FILIP1L: variants seen among roughly 807,000 people sequenced by gnomAD.
FILIP1L encodes the protein filamin A-interacting protein 1-like.
A neutral mutation model predicts 96.6 loss-of-function variants in FILIP1L; 55 were observed. The ratio of observed to expected loss-of-function variants is 0.57; its 90% CI spans 0.46 to 0.71. The LOEUF (loss-of-function observed/expected upper bound fraction) is 0.71. Among genes scored for constraint, FILIP1L ranks in the 30% least tolerant of loss-of-function variants. The pLI, the probability that FILIP1L is intolerant of heterozygous loss-of-function variation, is 0.00. For missense variants in FILIP1L, 1,304 were observed against 1,321.2 expected, an observed-to-expected ratio of 0.99 and a Z score of 0.20; for synonymous variants, 467 against 473.9, an observed-to-expected ratio of 0.99 and a Z score of 0.19.
chr3:99,929,845 G>A lies in FILIP1L; in HGVS notation c.426+11C>T, dbSNP rs540978840. ...TGCCTCCCAGGTACACACCCCTATTGTGGTACATACCTCATTCATTGGTTT... is the reference window on the plus strand; with the variant it reads ...TGCCTCCCAGGTACACACCCCTATTATGGTACATACCTCATTCATTGGTTT... On this transcript the variant is annotated intron_variant, in intron 3 of 5. Transcript: ENST00000477258. 338 of 1,603,412 alleles carry A rather than the reference G, an allele frequency of 2.1e-4. 5 individuals carry two copies. In the South Asian group the frequency reaches 3.6e-3, roughly 17 times the overall value.
chr3:100,024,221 T>A (rs1448953333), intron 1 of FILIP1L, among the ~76,000 whole-genome samples: 1 of 152,178 alleles, frequency 6.6e-6, no homozygotes, highest in African/African-American at 2.4e-5. Context: ...TTACTCCCTT[T>A]CCCATTGCAG....
rs1408344290 is a variant in FILIP1L, at chr3:99,930,895, A to C, written c.126T>G (p.Ser42Arg). The C allele has an allele frequency of 6.2e-7, 1 of 1,613,362 alleles. No individual in the cohort carries two copies. The highest frequency in any genetic ancestry group is 8.5e-7 in the Non-Finnish European group (1 of 1,179,874). The change falls in exon 2 of 6, where the codon AGT (serine) becomes AGG (arginine). Residue 42 changes from serine (S) to arginine (R), a missense_variant. Transcript: ENST00000477258. The stretch of plus-strand genomic sequence containing the variant: ...GACACGGAAGTATTACATCCGACTC[A>C]CTGGGGGAGTCTTTGTCTTGCTGTC... Reference protein sequence around the residue: ...KHRQQDKDSPSESDVILPCPK... With the variant: ...KHRQQDKDSPRESDVILPCPK...
intron 4 of FILIP1L, among the ~76,000 whole-genome samples, chr3:99,880,671 GTTTTAAAATTAATTTAAAATTTTTTTTA>G: frequency 6.6e-6 from 1 of 151,898 alleles, no homozygotes; most frequent in South Asian, 2.1e-4. Context: ...AAATTTTTTT[GTTTTAAAATTAATTTAAAATTTTTTTTA>G]TTTTAAAATT....
rs1235527812 is a variant in FILIP1L at position 99,909,650 on chromosome 3, T to A, written c.605+14580A>T. Among the ~76,000 whole-genome samples, 11 of 152,314 alleles carry A rather than the reference T, an allele frequency of 7.2e-5. No individual in the cohort carries two copies. In the South Asian group the frequency reaches 1.2e-3, roughly 17 times the overall value. ...TAATAATACTGCTAATAATAGGGTA[T>A]CAAGTGTGTCATGTTTTTCATCATA... is the stretch of plus-strand genomic sequence containing the variant. On this transcript the variant is annotated intron_variant, in intron 4 of 5. Transcript: ENST00000477258.
At chr3:99,940,289 A>G (rs944192177) in intron 1 of FILIP1L, among the ~76,000 whole-genome samples, 21 of 152,250 alleles carry the variant, frequency 1.4e-4, no homozygotes, top group African/African-American at 5.1e-4. Context: ...TAAATGCCAC[A>G]CTTCCAACCC....
intron 5 of FILIP1L, among the ~76,000 whole-genome samples, chr3:99,838,564 A>G (rs1448761782): frequency 5.3e-5 from 8 of 152,230 alleles, no homozygotes; most frequent in African/African-American, 1.7e-4. Flanking sequence ...AGGAGGTAAC[A>G]TTAGACAATC....
At chr3:99,838,297 C>G (rs957493318) in intron 5 of FILIP1L, among the ~76,000 whole-genome samples, 1 of 152,194 alleles carries the variant, frequency 6.6e-6, no homozygotes. Flanking sequence ...CATTCATTAT[C>G]TCTTGTCACC....
intron 1 of FILIP1L, among the ~76,000 whole-genome samples, chr3:100,027,564 C>T (rs2064948674): frequency 1.3e-5 from 2 of 152,098 alleles, no homozygotes; most frequent in African/African-American, 4.8e-5. Flanking sequence ...CCTTCCATTC[C>T]CACATGTACC....
chr3:99,845,597 G>A (rs2035400), intron 5 of FILIP1L, among the ~76,000 whole-genome samples: 1,713 of 152,168 alleles, frequency 0.011, 18 homozygotes, highest in African/African-American at 0.025. Context: ...AGGAAGTTCT[G>A]TAATCTTCCA....
rs753643739 is a variant in FILIP1L at position 99,875,719 on chromosome 3, T to G, written c.606-24649A>C. Among the ~76,000 whole-genome samples the G allele has an allele frequency of 1.4e-4, 21 of 152,286 alleles. No individual in the cohort carries two copies. The East Asian group carries it at 1.7e-3, about 13-fold the overall frequency. ...AGCGAGTTTGAGTCCGGAGGAGAGA[T>G]AGGGTTGCTGCAGTACAATATAGTC... On this transcript the variant is annotated intron_variant, in intron 4 of 5. Coordinates refer to ENST00000477258, the MANE Select transcript of FILIP1L (RefSeq NM_001387850.1).
intron 1 of FILIP1L, among the ~76,000 whole-genome samples, chr3:100,029,640 A>G (rs2064988711): frequency 6.6e-6 from 1 of 152,218 alleles, no homozygotes; most frequent in African/African-American, 2.4e-5. Context: ...AATACTGAGC[A>G]GTTTACTGAC....
chr3:100,023,702 A>G (rs2107237480), intron 1 of FILIP1L, among the ~76,000 whole-genome samples: 1 of 152,234 alleles, frequency 6.6e-6, no homozygotes, highest in East Asian at 1.9e-4. Context: ...ACCATGATGT[A>G]TGTCATGGTA....
rs1013640761 is a variant in FILIP1L, at chr3:99,967,316, T to C, written c.-10-36286A>G. On this transcript the variant is annotated intron_variant, in intron 1 of 5. Coordinates refer to ENST00000477258, the MANE Select transcript of FILIP1L (RefSeq NM_001387850.1). ...GAGGATAGTGTTGGTAATAATGCCT[T>C]GTGTTTACATCATTCCTTTCACAGA... Among the ~76,000 whole-genome samples the C allele has an allele frequency of 2.0e-5, 3 of 152,238 alleles. No homozygotes were observed. In the East Asian group the frequency reaches 5.8e-4, roughly 29 times the overall value.
intron 1 of FILIP1L, among the ~76,000 whole-genome samples, chr3:99,986,134 A>G (rs1051699975): frequency 1.3e-5 from 2 of 152,228 alleles, no homozygotes; most frequent in Non-Finnish European, 2.9e-5. Context: ...AAGATAGAAA[A>G]TCTAAATTGT....
At chr3:99,851,722 A>G (rs77266529) in intron 4 of FILIP1L, among the ~76,000 whole-genome samples, 1 of 152,216 alleles carries the variant, frequency 6.6e-6, no homozygotes, top group Non-Finnish European at 1.5e-5. Context: ...ATTCTTAGTT[A>G]AGAAAAAATT....
At chr3:100,011,491 TC>T (rs1270729205) in intron 1 of FILIP1L, among the ~76,000 whole-genome samples, 1 of 152,196 alleles carries the variant, frequency 6.6e-6, no homozygotes, top group Non-Finnish European at 1.5e-5. Flanking sequence ...GACTCCATTT[TC>T]TCTTCCTTCC....
chr3:99,949,561 A>G (rs1305514161), intron 1 of FILIP1L, among the ~76,000 whole-genome samples: 2 of 152,228 alleles, frequency 1.3e-5, no homozygotes, highest in African/African-American at 2.4e-5. Flanking sequence ...ACAATTCTAT[A>G]GCAACCTTGG....
intron 4 of FILIP1L, 42 bp downstream of exon 4, chr3:99,924,188 T>G (rs541762758): frequency 6.4e-7 from 1 of 1,560,570 alleles, no homozygotes; most frequent in African/African-American, 1.4e-5. Flanking sequence ...GGCCAGCTCA[T>G]AGATTGCAGA....
intron 5 of FILIP1L, among the ~76,000 whole-genome samples, chr3:99,844,587 C>T (rs1409324820): frequency 2.0e-5 from 3 of 152,178 alleles, no homozygotes; most frequent in Non-Finnish European, 2.9e-5. Flanking sequence ...GGGAGTTTTA[C>T]TTCAACCAGT....
Sources: gnomAD v4.1 joint callset for allele counts (sites outside exome capture counted in the v4.1 genomes callset) on GRCh38, gnomAD v4.1.1 for gene constraint, MANE v1.5 for transcripts, NCBI Gene and HGNC (gene_info 2026-07-23, HGNC 2026-07-21) for gene names.